The following TRAPPC9 variants were observed in gnomAD, a reference collection of about 807,000 sequenced individuals.
The protein encoded by TRAPPC9 is trafficking protein particle complex subunit 9.
Under a neutral mutation model 124.0 loss-of-function variants are expected in TRAPPC9, and 83 were observed. The ratio of observed to expected loss-of-function variants is 0.67; its 90% CI spans 0.56 to 0.80. The LOEUF is 0.80. TRAPPC9 is among the 30% of genes least tolerant of loss of function. TRAPPC9 has a pLI of 0.00. For synonymous variants in TRAPPC9, 638 were observed against 617.5 expected (o/e 1.03, Z -0.49); for missense variants, 1,302 against 1,508.3 (o/e 0.86, Z 2.27).
chr8:140,128,472 G>A (rs1205762289), intron 17 of TRAPPC9, among the ~76,000 whole-genome samples: 2 of 152,208 alleles, frequency 1.3e-5, no homozygotes, highest in East Asian at 1.9e-4. Flanking sequence ...GCGGCTAAAG[G>A]CCAAGGGTGG....
chr8:139,963,773 A>G (rs1410368765), intron 19 of TRAPPC9, among the ~76,000 whole-genome samples: 1 of 109,284 alleles, frequency 9.2e-6, no homozygotes, highest in African/African-American at 3.4e-5. Context: ...AAAAAAAAAA[A>G]AAAACAACTA....
At chr8:140,270,397 G>T (rs749316795) in intron 15 of TRAPPC9, among the ~76,000 whole-genome samples, 1 of 152,214 alleles carries the variant, frequency 6.6e-6, no homozygotes, top group Non-Finnish European at 1.5e-5. Flanking sequence ...CCTCATTCTC[G>T]AAATGCGGCT....
intron 21 of TRAPPC9, among the ~76,000 whole-genome samples, chr8:139,733,057 T>C (rs556467733): frequency 6.6e-6 from 1 of 151,892 alleles, no homozygotes; most frequent in African/African-American, 2.4e-5. Flanking sequence ...GCAGGTTTCA[T>C]GGTGATCCCC....
rs577363984 is a variant in TRAPPC9, at chr8:140,216,154, T to A, written c.2556+5305A>T. ...CCTCAAGGAGCCTCAGTTTTCTCCT[T>A]AGAGGATAATAGCACCTACTCAAAC... On this transcript the variant is annotated intron_variant, in intron 17 of 22. Coordinates refer to ENST00000438773, the MANE Select transcript of TRAPPC9 (RefSeq NM_001160372.4). This position sits in a 1 kb window ranked among gnomAD's most constrained non-coding sequence, Gnocchi z 4.1. 4.9e-4 allele frequency: 74 copies of A among 152,314 alleles called. No homozygotes were observed. Among genetic ancestry groups the A allele is most frequent in the African/African-American group, 1.8e-3 (73 of 41,574 alleles). 9.4% of individuals were successfully genotyped at this position (152,314 alleles called of 1,614,324 possible). A position where few individuals can be genotyped will look rare whatever the true frequency, so the allele number is the denominator to read the frequency against.
chr8:140,320,543 C>T (rs1462391058), intron 9 of TRAPPC9, among the ~76,000 whole-genome samples: 1 of 152,164 alleles, frequency 6.6e-6, no homozygotes, highest in Non-Finnish European at 1.5e-5. Context: ...CTGTGACCAA[C>T]GAACTCCCAA....
At chr8:139,947,436 T>A (rs868390713) in intron 19 of TRAPPC9, among the ~76,000 whole-genome samples, 2 of 152,214 alleles carry the variant, frequency 1.3e-5, no homozygotes, top group Non-Finnish European at 2.9e-5. Context: ...GGACAAAGTA[T>A]GAAGAAAAAT....
chr8:140,402,530 C>CA (rs975158113), intron 6 of TRAPPC9, among the ~76,000 whole-genome samples: 2 of 151,754 alleles, frequency 1.3e-5, no homozygotes, highest in African/African-American at 2.4e-5. Context: ...CCCATCTCTA[C>CA]AAAAAATACA....
chr8:140,245,877 G>C (rs915016451), intron 16 of TRAPPC9, among the ~76,000 whole-genome samples: 1 of 152,124 alleles, frequency 6.6e-6, no homozygotes, highest in African/African-American at 2.4e-5. Flanking sequence ...TTTGTTATGT[G>C]GATGCTTACT....
At chr8:140,091,112 T>A (rs1295204194) in intron 17 of TRAPPC9, among the ~76,000 whole-genome samples, 1 of 152,082 alleles carries the variant, frequency 6.6e-6, no homozygotes, top group Non-Finnish European at 1.5e-5. Flanking sequence ...TCACATCCCT[T>A]CTTAATGAAA....
At chr8:140,039,137 A>T (rs1348395266) in intron 17 of TRAPPC9, among the ~76,000 whole-genome samples, 2 of 152,284 alleles carry the variant, frequency 1.3e-5, no homozygotes, top group African/African-American at 2.4e-5. Flanking sequence ...CAGTGCTAAT[A>T]GCATTCTAGC....
At chr8:140,021,517 T>C (rs1839837019) in intron 18 of TRAPPC9, among the ~76,000 whole-genome samples, 1 of 152,250 alleles carries the variant, frequency 6.6e-6, no homozygotes. Flanking sequence ...ATCTTTTCTA[T>C]TTATTCACTT....
intron 19 of TRAPPC9, among the ~76,000 whole-genome samples, chr8:139,919,812 G>A (rs181071655): frequency 3.8e-4 from 58 of 152,330 alleles, no homozygotes; most frequent in Middle Eastern, 3.4e-3. Context: ...CCCATGCACA[G>A]GAAGGCAGTG....
chr8:139,769,076 C>T (rs575324483), intron 21 of TRAPPC9, among the ~76,000 whole-genome samples: 4 of 152,184 alleles, frequency 2.6e-5, no homozygotes, highest in Non-Finnish European at 5.9e-5. Flanking sequence ...TCAGAAATAA[C>T]TTTTTGTTGT....
chr8:139,843,611 AAGAG>A (rs1450516911), intron 21 of TRAPPC9, among the ~76,000 whole-genome samples: 7 of 152,184 alleles, frequency 4.6e-5, no homozygotes, highest in Non-Finnish European at 1.0e-4. Flanking sequence ...TTAAAAGTGA[AAGAG>A]AGAGGTAGAA....
At chr8:139,736,217 CCTGTCTTGCTCTCTGCT>C (rs756188743) in intron 21 of TRAPPC9, among the ~76,000 whole-genome samples, 2 of 152,216 alleles carry the variant, frequency 1.3e-5, no homozygotes, top group Non-Finnish European at 2.9e-5. Context: ...GCAGGCAGCA[CCTGTCTTGCTCTCTGCT>C]CTGTCCCTGC....
intron 5 of TRAPPC9, among the ~76,000 whole-genome samples, chr8:140,425,493 C>A (rs746481503): frequency 6.6e-6 from 1 of 152,224 alleles, no homozygotes; most frequent in Non-Finnish European, 1.5e-5. Context: ...ACAACCTTAT[C>A]TTGAAAAGCG....
intron 15 of TRAPPC9, among the ~76,000 whole-genome samples, chr8:140,260,378 G>A (rs940563122): frequency 2.6e-5 from 4 of 152,172 alleles, no homozygotes; most frequent in African/African-American, 7.2e-5. Context: ...TGGTGAGAAG[G>A]ACAACAATCA....
At chr8:139,973,886 C>T (rs1005729315) in intron 19 of TRAPPC9, among the ~76,000 whole-genome samples, 7 of 152,108 alleles carry the variant, frequency 4.6e-5, no homozygotes, top group Non-Finnish European at 8.8e-5. Flanking sequence ...CCATCCCTCT[C>T]GAGTCCCTGC....
intron 21 of TRAPPC9, among the ~76,000 whole-genome samples, chr8:139,842,390 G>A (rs1298205821): frequency 3.3e-5 from 5 of 152,104 alleles, no homozygotes; most frequent in South Asian, 2.1e-4. Flanking sequence ...CCAGGCCTCC[G>A]CACTCCACAT....
Sources: gnomAD v4.1 joint callset for allele counts (sites outside exome capture counted in the v4.1 genomes callset) on GRCh38, gnomAD v4.1.1 for gene constraint, Gnocchi (gnomAD v3.1) non-coding constraint, MANE v1.5 for transcripts, NCBI Gene and HGNC (gene_info 2026-07-23, HGNC 2026-07-21) for gene names.